The following SVEP1 variants were observed in gnomAD, a reference collection of about 807,000 sequenced individuals.
SVEP1 encodes the protein sushi, von Willebrand factor type A, EGF and pentraxin domain-containing protein 1.
A neutral mutation model predicts 367.3 loss-of-function variants in SVEP1; 164 were observed. That is an observed-to-expected ratio of 0.45 (90% confidence interval 0.39 to 0.51). The LOEUF (loss-of-function observed/expected upper bound fraction) is 0.51. SVEP1 is among the 20% of genes least tolerant of loss of function. The probability of loss-of-function intolerance (pLI) is 0.00; values close to 1 mark genes in which losing one functional copy is unlikely to be tolerated. For missense variants in SVEP1, 4,117 were observed against 4,425.3 expected (o/e 0.93, Z 1.98); for synonymous variants, 1,666 against 1,611.6 (o/e 1.03, Z -0.81).
At chr9:110,575,363 CCAAA>C (rs1444867083) in intron 1 of SVEP1, among the ~76,000 whole-genome samples, 2 of 152,164 alleles carry the variant, frequency 1.3e-5, no homozygotes, top group Non-Finnish European at 2.9e-5. Context: ...TCTGGCCAAG[CCAAA>C]CAGAGGAGCT....
intron 43 of SVEP1, among the ~76,000 whole-genome samples, 155 bp from the exon 44 acceptor site, chr9:110,379,672 CTG>C (rs765118895): frequency 5.3e-5 from 8 of 152,150 alleles, no homozygotes; most frequent in Non-Finnish European, 1.0e-4. Flanking sequence ...AAAGAATTAA[CTG>C]CTGCTGTTGA....
Position 110,366,281 on chromosome 9 carries a change from T to C in SVEP1, c.*258A>G. ...TAGACAGCAGAATATGTACATTTTG[T>C]GAGGGTAGAGCAGCATCTATTTAAT... On this transcript the variant is annotated 3_prime_UTR_variant, in exon 48 of 48. Transcript: ENST00000374469. 2.7e-6 allele frequency: 1 copy of C among 368,164 alleles called. No homozygotes were observed. 22.8% of individuals were successfully genotyped at this position (368,164 alleles called of 1,614,324 possible).
At chr9:110,560,535 C>T (rs1182443788) in intron 1 of SVEP1, among the ~76,000 whole-genome samples, 1 of 152,134 alleles carries the variant, frequency 6.6e-6, no homozygotes, top group Non-Finnish European at 1.5e-5. Context: ...GTCTCACTTA[C>T]AGTCTAATGG....
chr9:110,378,635 G>A (rs1305083618), intron 44 of SVEP1, among the ~76,000 whole-genome samples: 1 of 151,764 alleles, frequency 6.6e-6, no homozygotes, highest in African/African-American at 2.4e-5. Context: ...GTCTTTTGTT[G>A]CCATTGCTTT....
intron 3 of SVEP1, among the ~76,000 whole-genome samples, chr9:110,527,879 C>G (rs1168071125): frequency 6.6e-6 from 1 of 151,552 alleles, no homozygotes; most frequent in Non-Finnish European, 1.5e-5. Context: ...TTCTGAGTCT[C>G]CAATGTCCAT....
At chr9:110,520,489 G>A (rs570668038) in intron 3 of SVEP1, among the ~76,000 whole-genome samples, 4 of 152,198 alleles carry the variant, frequency 2.6e-5, no homozygotes, top group African/African-American at 4.8e-5. Flanking sequence ...ACATCTTGGC[G>A]GTTATCAGCT....
rs1319874217 is a variant in SVEP1 at position 110,385,939 on chromosome 9, T to C, written c.10196A>G (p.Asn3399Ser). The change falls in exon 43 of 48, where the codon AAC (asparagine) becomes AGC (serine). Residue 3399 changes from asparagine (N) to serine (S), a missense_variant. Physicochemically the swap from Asn to Ser is conservative, Grantham distance 46. This residue lies in a region of SVEP1 where 1,765 missense variants were observed against 1,781.1 expected (regional missense o/e 0.99). Transcript: ENST00000374469. The part of the protein sequence containing the change: ...LLQGHGIITC[N>S]PDETWTQTSA... ...TGTCTGTGTCCACGTCTCGTCGGGG[T>C]TGCAGGTAATGATGCCGTGGCCCTG... 1 of 1,613,878 alleles carries C rather than the reference T, an allele frequency of 6.2e-7. No individual in the cohort carries two copies. The highest frequency in any genetic ancestry group is 1.1e-5 in the South Asian group (1 of 91,056).
At chr9:110,550,524 ATCTG>A (rs142977723) in intron 1 of SVEP1, among the ~76,000 whole-genome samples, 6,319 of 144,482 alleles carry the variant, frequency 0.044, 148 homozygotes, top group Non-Finnish European at 0.052. Flanking sequence ...CTATCTATCT[ATCTG>A]TCTATCATCT....
intron 1 of SVEP1, among the ~76,000 whole-genome samples, chr9:110,565,500 C>T (rs1830480686): frequency 6.6e-6 from 1 of 152,176 alleles, no homozygotes; most frequent in South Asian, 2.1e-4. Context: ...GATATGATCT[C>T]CTACTGCCTC....
intron 36 of SVEP1, among the ~76,000 whole-genome samples, chr9:110,426,568 T>C (rs1354183893): frequency 1.3e-5 from 2 of 152,206 alleles, no homozygotes; most frequent in African/African-American, 4.8e-5. Flanking sequence ...CTGTGTCAGC[T>C]TGTGAAGAAC....
At chr9:110,432,797 G>A (rs936233875) in intron 30 of SVEP1, among the ~76,000 whole-genome samples, 162 bp from the exon 31 acceptor site, 7 of 152,190 alleles carry the variant, frequency 4.6e-5, no homozygotes, top group Admixed American at 3.9e-4. Context: ...AACCCTCAGC[G>A]TCTAGCACAT....
At chr9:110,560,640 C>T (rs1172804835) in intron 1 of SVEP1, among the ~76,000 whole-genome samples, 1 of 152,170 alleles carries the variant, frequency 6.6e-6, no homozygotes, top group East Asian at 1.9e-4. Flanking sequence ...GCTCCTCAAA[C>T]TCAACATACC....
rs1009029585 is a variant in SVEP1, at chr9:110,458,892, A to T, written c.3484+60T>A. 4 of 1,566,528 alleles carry T rather than the reference A, an allele frequency of 2.6e-6. No individual in the cohort carries two copies. In the African/African-American group the frequency reaches 4.1e-5, roughly 16 times the overall value. On this transcript the variant is annotated intron_variant, in intron 19 of 47. Coordinates refer to ENST00000374469, the MANE Select transcript of SVEP1 (RefSeq NM_153366.4). ...TAATATTCAGAACTGAAGCTACAAC[A>T]GAGACAGGGAAAAGTAAATGTCCAA...
chr9:110,482,998 TGACAA>T lies in SVEP1; in HGVS notation c.2039-511_2039-507del, dbSNP rs573313774. On this transcript the variant is annotated intron_variant, in intron 10 of 47. Transcript: ENST00000374469. ...AACCCCATTAAATTAAGGCTTTTTTTGACAAACAACTGATTTTCTCAAAGTCCTTT... is the reference window on the plus strand; with the variant it reads ...AACCCCATTAAATTAAGGCTTTTTTTACAACTGATTTTCTCAAAGTCCTTT... 4.7e-3 allele frequency among the ~76,000 whole-genome samples: 715 copies of T among 152,314 alleles called. 5 individuals are homozygous for T. Among genetic ancestry groups the T allele is most frequent in the African/African-American group, 0.016 (676 of 41,570 alleles).
chr9:110,445,276 G>T (rs1196422842), intron 26 of SVEP1, among the ~76,000 whole-genome samples: 1 of 152,192 alleles, frequency 6.6e-6, no homozygotes, highest in African/African-American at 2.4e-5. Flanking sequence ...GTACAACTAA[G>T]GTTGGCTCTC....
chr9:110,494,950 C>T (rs1263005820), intron 8 of SVEP1, among the ~76,000 whole-genome samples: 1 of 152,148 alleles, frequency 6.6e-6, no homozygotes, highest in African/African-American at 2.4e-5. Flanking sequence ...AATGGACCCC[C>T]AACTGTAGCC....
At chr9:110,376,434 T>C (rs1169020982) in intron 45 of SVEP1, among the ~76,000 whole-genome samples, 2 of 152,244 alleles carry the variant, frequency 1.3e-5, no homozygotes, top group African/African-American at 4.8e-5. Flanking sequence ...ATTTCTCTTC[T>C]TTTTTAATCA....
At position 110,482,361 on chromosome 9, in the gene SVEP1, C is replaced by T. The variant is rs757295872; in HGVS notation, c.2170G>A (p.Gly724Ser). 2 of 1,610,988 alleles carry T rather than the reference C, an allele frequency of 1.2e-6. No individual in the cohort carries two copies. Among genetic ancestry groups the T allele is most frequent in the Non-Finnish European group, 8.5e-7 (1 of 1,178,694 alleles). ...RTCDIHIVIKGSPCEIPFTPV... is the reference protein window; with the variant it reads ...RTCDIHIVIKSSPCEIPFTPV... Reference sequence around the variant, plus strand: ...TTCTGGGGACTTATGAAGACAATACCTTTTATGACAATATGGATATCACAT... The same window carrying T: ...TTCTGGGGACTTATGAAGACAATACTTTTTATGACAATATGGATATCACAT... Residue 724 changes from glycine (G) to serine (S), a missense_variant and splice_region_variant, in exon 11 of 48, where the codon GGT (glycine) becomes AGT (serine). By Grantham distance (56) the Gly-to-Ser change is moderately conservative. This residue lies in a region of SVEP1 where 2,174 missense variants were observed against 2,494.3 expected (regional missense o/e 0.87). Transcript: ENST00000374469.
At chr9:110,541,632 C>T (rs1324850268) in intron 3 of SVEP1, among the ~76,000 whole-genome samples, 2 of 151,804 alleles carry the variant, frequency 1.3e-5, no homozygotes, top group Non-Finnish European at 2.9e-5. Context: ...ATAAAATCCG[C>T]CCCTGGTTGA....
Sources: gnomAD v4.1 joint callset for allele counts (sites outside exome capture counted in the v4.1 genomes callset) on GRCh38, gnomAD v4.1.1 for gene constraint, gnomAD v4.1.1 regional missense constraint, MANE v1.5 for transcripts, NCBI Gene and HGNC (gene_info 2026-07-23, HGNC 2026-07-21) for gene names.